Variants in FYN observed in about 807,000 individuals in gnomAD.
FYN encodes the protein tyrosine-protein kinase Fyn.
Under a neutral mutation model 70.2 loss-of-function variants are expected in FYN, and 10 were observed. The observed-to-expected ratio is 0.14, with a 90% CI of 0.09 to 0.24. The LOEUF (loss-of-function observed/expected upper bound fraction) is 0.24, where lower values mean the gene tolerates loss of function less well. Among genes scored for constraint, FYN ranks in the 10% least tolerant of loss-of-function variants. FYN has a pLI of 1.00. For missense variants in FYN, 319 were observed against 673.1 expected (o/e 0.47, Z 5.82); for synonymous variants, 236 against 248.6 (o/e 0.95, Z 0.48).
chr6:111,783,739 C>G (rs1333715337), intron 2 of FYN, among the ~76,000 whole-genome samples: 1 of 152,224 alleles, frequency 6.6e-6, no homozygotes, highest in Non-Finnish European at 1.5e-5. Context: ...AAAAGAGCCC[C>G]CATATTTCTG....
In FYN at chr6:111,715,202, T is replaced by C. The variant is rs573708525; in HGVS notation, c.248-759A>G. Among the ~76,000 whole-genome samples the C allele has an allele frequency of 3.3e-5, 5 of 152,116 alleles. No homozygotes were observed. The South Asian group carries it at 1.0e-3, about 32-fold the overall frequency. Reference sequence around the variant, plus strand: ...GCTAGCAGCAGCAGAGAATATCCAGTGTCATTTGGCCTAGGATTTCCTCCA... The same window carrying C: ...GCTAGCAGCAGCAGAGAATATCCAGCGTCATTTGGCCTAGGATTTCCTCCA... On this transcript the variant is annotated intron_variant, in intron 4 of 13. Coordinates refer to ENST00000354650, the MANE Select transcript of FYN (RefSeq NM_002037.5).
chr6:111,782,124 C>T (rs1238630993), intron 2 of FYN, among the ~76,000 whole-genome samples: 1 of 152,148 alleles, frequency 6.6e-6, no homozygotes, highest in African/African-American at 2.4e-5. Flanking sequence ...TTGACTTTTC[C>T]ACCTTGATTT....
chr6:111,805,841 C>T (rs1418015493), intron 2 of FYN, among the ~76,000 whole-genome samples: 1 of 151,910 alleles, frequency 6.6e-6, no homozygotes, highest in Non-Finnish European at 1.5e-5. Context: ...AATTACAGGC[C>T]GTGTAAAAGT....
chr6:111,793,731 G>A (rs976000750), intron 2 of FYN: 1 of 152,282 alleles, frequency 6.6e-6, no homozygotes, highest in Non-Finnish European at 1.5e-5. Flanking sequence ...CTTGACCTCC[G>A]GCTTCTGCTA....
chr6:111,694,259 G>T lies in FYN; in HGVS notation c.1273+116C>A. Reference sequence around the variant, plus strand: ...ATCAAGGTGTCCAAACCAAGCTGAAGAATGACATTTCAAGTATTTTCTGAA... The same window carrying T: ...ATCAAGGTGTCCAAACCAAGCTGAATAATGACATTTCAAGTATTTTCTGAA... On this transcript the variant is annotated intron_variant, in intron 12 of 13. Transcript: ENST00000354650. The surrounding 1 kb of genome is among the most constrained non-coding windows in gnomAD (Gnocchi z 5.0). The T allele has an allele frequency of 1.5e-6, 2 of 1,360,082 alleles. No individual in the cohort carries two copies. The highest frequency in any genetic ancestry group is 1.0e-6 in the Non-Finnish European group (1 of 978,748). The allele number at this position is 1,360,082 out of a possible 1,614,324, so 84.3% of individuals were successfully genotyped here.
intron 2 of FYN, among the ~76,000 whole-genome samples, chr6:111,844,210 T>G (rs1773450775): frequency 6.6e-6 from 1 of 152,254 alleles, no homozygotes; most frequent in African/African-American, 2.4e-5. Context: ...ACAGAATTTA[T>G]GCTAACTTGT....
At chr6:111,711,355 A>T (rs1299655972) in intron 5 of FYN, among the ~76,000 whole-genome samples, 2 of 152,200 alleles carry the variant, frequency 1.3e-5, no homozygotes, top group African/African-American at 4.8e-5. Context: ...TTAAAGAGTC[A>T]CTGTTCGTAG....
intron 2 of FYN, among the ~76,000 whole-genome samples, chr6:111,790,785 CTT>C (rs1364245432): frequency 1.3e-5 from 2 of 152,162 alleles, no homozygotes; most frequent in Admixed American, 6.5e-5. Context: ...CCTTCTCTCT[CTT>C]GGCTTTTTAT....
intron 4 of FYN, 129 bp downstream of exon 4, chr6:111,719,676 G>C: frequency 9.7e-7 from 1 of 1,027,146 alleles, no homozygotes; most frequent in Non-Finnish European, 1.4e-6. Flanking sequence ...ATCTAGTAGA[G>C]GAGACAGATT....
chr6:111,812,134 C>T (rs950904240), intron 2 of FYN, among the ~76,000 whole-genome samples: 16 of 152,218 alleles, frequency 1.1e-4, no homozygotes, highest in African/African-American at 3.9e-4. Context: ...GGAAGTCAGA[C>T]AGACATAGAG....
chr6:111,664,098 G>A (rs1050741116), intron 13 of FYN, among the ~76,000 whole-genome samples: 2 of 152,228 alleles, frequency 1.3e-5, no homozygotes, highest in African/African-American at 4.8e-5. Context: ...TGCCCAGAAA[G>A]ATTAGGAAGA....
intron 2 of FYN, among the ~76,000 whole-genome samples, chr6:111,829,876 CAG>C (rs981497532): frequency 6.6e-6 from 1 of 152,148 alleles, no homozygotes; most frequent in African/African-American, 2.4e-5. Context: ...TGGAGAAGAA[CAG>C]ATCACTGTCT....
rs1399149532 is a variant in FYN at position 111,782,597 on chromosome 6, G to A, written c.-81-1962C>T. 2.6e-5 allele frequency among the ~76,000 whole-genome samples: 4 copies of A among 152,194 alleles called. No individual in the cohort carries two copies. In the East Asian group the frequency reaches 7.7e-4, roughly 29 times the overall value. On this transcript the variant is annotated intron_variant, in intron 2 of 13. Coordinates refer to ENST00000354650, the MANE Select transcript of FYN (RefSeq NM_002037.5). ...TGACAGATCACCTGGGAACAGACTA[G>A]CTGTTCAATCATTCTGTCAATATAG...
At chr6:111,723,955 T>G (rs1395152289) in intron 3 of FYN, among the ~76,000 whole-genome samples, 1 of 152,164 alleles carries the variant, frequency 6.6e-6, no homozygotes, top group Non-Finnish European at 1.5e-5. Context: ...CTGCAAGTTA[T>G]CATGCCTAGA....
chr6:111,663,338 G>T (rs932055261), intron 13 of FYN, among the ~76,000 whole-genome samples: 2 of 152,226 alleles, frequency 1.3e-5, no homozygotes, highest in Non-Finnish European at 2.9e-5. Flanking sequence ...TCTAGGGGAG[G>T]TGGCGACCCG....
At chr6:111,823,512 CT>C (rs111483352) in intron 2 of FYN, among the ~76,000 whole-genome samples, 2 of 152,098 alleles carry the variant, frequency 1.3e-5, no homozygotes, top group South Asian at 2.1e-4. Context: ...AAATTTTATA[CT>C]TTTTTCCCCC....
intron 3 of FYN, among the ~76,000 whole-genome samples, chr6:111,761,027 T>C (rs140199420): frequency 2.6e-4 from 39 of 152,320 alleles, no homozygotes; most frequent in African/African-American, 8.2e-4. Flanking sequence ...AGGCAGTTCA[T>C]TGTGAGATGA....
chr6:111,843,716 C>A (rs778217307), intron 2 of FYN, among the ~76,000 whole-genome samples: 2 of 152,158 alleles, frequency 1.3e-5, no homozygotes, highest in African/African-American at 2.4e-5. Context: ...TTTAAGAGGG[C>A]CTACTATGAG....
At position 111,744,673 on chromosome 6, in the gene FYN, C is replaced by A. The variant is rs183479381; in HGVS notation, c.-11-24611G>T. On this transcript the variant is annotated intron_variant, in intron 3 of 13. Transcript: ENST00000354650. ...GAAAAATCATCAGGCTTTTACTACACGTCAGTTATCTCATTTGCCTGGTGG... is the reference window on the plus strand; with the variant it reads ...GAAAAATCATCAGGCTTTTACTACAAGTCAGTTATCTCATTTGCCTGGTGG... Among the ~76,000 whole-genome samples the A allele has an allele frequency of 1.2e-4, 18 of 152,268 alleles. No homozygotes were observed. In the East Asian group the frequency reaches 3.3e-3, roughly 28 times the overall value.
Sources: allele counts gnomAD v4.1 joint callset (sites outside exome capture counted in the v4.1 genomes callset), GRCh38; gene constraint gnomAD v4.1.1; non-coding constraint Gnocchi (gnomAD v3.1); transcripts MANE v1.5; gene names NCBI Gene and HGNC (gene_info 2026-07-23, HGNC 2026-07-21).